The following PCBP3 variants were observed in gnomAD, a reference collection of about 807,000 sequenced individuals.
PCBP3 encodes the protein poly(rC)-binding protein 3.
A neutral mutation model predicts 52.7 loss-of-function variants in PCBP3; 25 were observed. The ratio of observed to expected loss-of-function variants is 0.47; its 90% CI spans 0.35 to 0.66. The LOEUF (loss-of-function observed/expected upper bound fraction) is 0.66, where lower values mean the gene tolerates loss of function less well. PCBP3 is among the 30% of genes least tolerant of loss of function. The pLI, the probability that PCBP3 is intolerant of heterozygous loss-of-function variation, is 0.01. For missense variants in PCBP3, 391 were observed against 490.3 expected, an observed-to-expected ratio of 0.80 and a Z score of 1.91; for synonymous variants, 162 against 183.0, an observed-to-expected ratio of 0.89 and a Z score of 0.93.
At chr21:45,647,365 C>A (rs553871767) in intron 1 of PCBP3, among the ~76,000 whole-genome samples, 91 of 152,296 alleles carry the variant, frequency 6.0e-4, no homozygotes, top group African/African-American at 2.1e-3. Context: ...AGACAGAGTT[C>A]TTATTGAAGG....
intron 4 of PCBP3, among the ~76,000 whole-genome samples, chr21:45,839,733 C>G (rs1276383841): frequency 6.6e-6 from 1 of 152,156 alleles, no homozygotes; most frequent in African/African-American, 2.4e-5. Flanking sequence ...GTTGCCCAGG[C>G]TGGAGGGCAG....
Position 45,853,946 on chromosome 21 carries a change from A to C in PCBP3, c.10+3851A>C, listed in dbSNP as rs1252881078. 1 of 152,192 alleles carries C rather than the reference A, an allele frequency of 6.6e-6. No homozygotes were observed. The highest frequency in any genetic ancestry group is 1.5e-5 in the Non-Finnish European group (1 of 68,046). The allele number at this position is 152,192 out of a possible 1,614,324, so 9.4% of individuals were successfully genotyped here. ...GGAAGCGGTGGTGCCGACGTGTCAT[A>C]AACTGATATCCGCATCTCAGCCTCT... is the stretch of plus-strand genomic sequence containing the variant. On this transcript the variant is annotated intron_variant, in intron 5 of 17. Transcript: ENST00000681687. The surrounding 1 kb of genome is among the most constrained non-coding windows in gnomAD (Gnocchi z 4.6).
chr21:45,764,740 T>TA (rs1466834661), intron 4 of PCBP3, among the ~76,000 whole-genome samples: 1 of 152,196 alleles, frequency 6.6e-6, no homozygotes. Context: ...TCACAGAATG[T>TA]AAAAAATAGC....
intron 2 of PCBP3, among the ~76,000 whole-genome samples, chr21:45,712,769 C>A (rs1042976832): frequency 6.6e-6 from 1 of 151,612 alleles, no homozygotes; most frequent in Non-Finnish European, 1.5e-5. Context: ...GTGGTGCAAT[C>A]ATGGCTCACT....
chr21:45,820,254 G>A (rs929526548), intron 4 of PCBP3, among the ~76,000 whole-genome samples: 2 of 152,350 alleles, frequency 1.3e-5, no homozygotes, highest in East Asian at 3.9e-4. Context: ...CACCCAGTCC[G>A]GCTGCCATGG....
intron 4 of PCBP3, among the ~76,000 whole-genome samples, chr21:45,799,979 G>A (rs1431920978): frequency 6.6e-6 from 1 of 152,208 alleles, no homozygotes; most frequent in African/African-American, 2.4e-5. Context: ...GTTGCTGGTG[G>A]CTTGGACAGC....
chr21:45,867,915 A>G (rs1052614428), intron 5 of PCBP3, among the ~76,000 whole-genome samples: 2 of 152,268 alleles, frequency 1.3e-5, no homozygotes, highest in Non-Finnish European at 2.9e-5. Flanking sequence ...GCGCCGTCGC[A>G]CACACAGCGG....
intron 5 of PCBP3, among the ~76,000 whole-genome samples, chr21:45,858,176 G>A (rs796771141): frequency 2.6e-5 from 4 of 152,346 alleles, no homozygotes; most frequent in African/African-American, 7.2e-5. Context: ...TTGAGGACTC[G>A]CCAGGGAGAG....
chr21:45,896,251 C>G lies in PCBP3; in HGVS notation c.54C>G (p.Leu18=), dbSNP rs1029324744. The change falls in exon 6 of 18, where the codon CTC becomes CTG. Residue 18 remains leucine, a synonymous_variant. Coordinates refer to ENST00000681687, the MANE Select transcript of PCBP3 (RefSeq NM_001384156.1). ...WAPSVLPHST[L]STLSHHPQPQ... The stretch of plus-strand genomic sequence containing the variant: ...CATCTGTCCTTCCTCACAGCACCCT[C>G]AGCACCTTAAGCCACCACCCTCAGC... 3.2e-6 allele frequency: 5 copies of G among 1,552,094 alleles called. No individual in the cohort carries two copies. Among genetic ancestry groups the G allele is most frequent in the Non-Finnish European group, 4.4e-6 (5 of 1,147,116 alleles).
rs766994832 is a variant in PCBP3, at chr21:45,901,119, C to T, written c.339+6C>T. Reference sequence around the variant, plus strand: ...TCGCATACAAGTTTGAGGAGGTAACCTGCACCCCAGGCACCTCTGCCAGCC... The same window carrying T: ...TCGCATACAAGTTTGAGGAGGTAACTTGCACCCCAGGCACCTCTGCCAGCC... On this transcript the variant is annotated splice_donor_region_variant and intron_variant, in intron 9 of 17. Coordinates refer to ENST00000681687, the MANE Select transcript of PCBP3 (RefSeq NM_001384156.1). The T allele has an allele frequency of 6.3e-7, 1 of 1,590,250 alleles. No homozygotes were observed. The highest frequency in any genetic ancestry group is 1.3e-5 in the African/African-American group (1 of 74,436).
intron 4 of PCBP3, among the ~76,000 whole-genome samples, chr21:45,783,236 A>C (rs1048961597): frequency 6.6e-6 from 1 of 152,062 alleles, no homozygotes; most frequent in African/African-American, 2.4e-5. Context: ...GCATCTTTCC[A>C]TGTGCGATTG....
rs1051861285 is a variant in PCBP3, at chr21:45,724,750, C to A, written c.-199-10642C>A. 6.6e-6 allele frequency among the ~76,000 whole-genome samples: 1 copy of A among 151,876 alleles called. No homozygotes were observed. Among genetic ancestry groups the A allele is most frequent in the Non-Finnish European group, 1.5e-5 (1 of 67,964 alleles). ...AGTGGCACTCTGTAACCCGCCCCCCCTCAGCTGGAGTGGCACTCTGTTGGC... is the reference window on the plus strand; with the variant it reads ...AGTGGCACTCTGTAACCCGCCCCCCATCAGCTGGAGTGGCACTCTGTTGGC... On this transcript the variant is annotated intron_variant, in intron 2 of 17. Coordinates refer to ENST00000681687, the MANE Select transcript of PCBP3 (RefSeq NM_001384156.1). The surrounding 1 kb of genome is among the most constrained non-coding windows in gnomAD (Gnocchi z 5.3).
intron 3 of PCBP3, among the ~76,000 whole-genome samples, chr21:45,740,641 G>A (rs1332539071): frequency 7.7e-6 from 1 of 130,676 alleles, no homozygotes; most frequent in Non-Finnish European, 1.6e-5. Flanking sequence ...TGTGTGTGAA[G>A]TGTGTGTGCA....
At chr21:45,757,164 G>A (rs1054522790) in intron 4 of PCBP3, among the ~76,000 whole-genome samples, 4 of 152,278 alleles carry the variant, frequency 2.6e-5, no homozygotes, top group East Asian at 1.9e-4. Flanking sequence ...TGAGCGTTCC[G>A]GTTTCCACAC....
At chr21:45,787,495 G>C (rs1360652961) in intron 4 of PCBP3, among the ~76,000 whole-genome samples, 3 of 152,042 alleles carry the variant, frequency 2.0e-5, no homozygotes, top group African/African-American at 7.2e-5. Flanking sequence ...TAGCTCAAGT[G>C]ATCCTTCCGC....
chr21:45,722,486 A>T (rs981188832), intron 2 of PCBP3, among the ~76,000 whole-genome samples: 3 of 152,232 alleles, frequency 2.0e-5, no homozygotes, highest in Non-Finnish European at 4.4e-5. Flanking sequence ...TGTGAATATT[A>T]ACCTGATCTT....
intron 5 of PCBP3, among the ~76,000 whole-genome samples, chr21:45,855,058 A>C (rs2094218196): frequency 6.6e-6 from 1 of 152,156 alleles, no homozygotes; most frequent in African/African-American, 2.4e-5. Context: ...TTATGGCGAC[A>C]ATAGTGGTGC....
chr21:45,716,010 A>G (rs2084193971), intron 2 of PCBP3, among the ~76,000 whole-genome samples: 1 of 152,070 alleles, frequency 6.6e-6, no homozygotes, highest in Non-Finnish European at 1.5e-5. Flanking sequence ...TTCATTGCTT[A>G]TACTTTTGGT....
intron 4 of PCBP3, among the ~76,000 whole-genome samples, chr21:45,838,116 A>G (rs1421568478): frequency 1.3e-5 from 2 of 152,196 alleles, no homozygotes; most frequent in African/African-American, 4.8e-5. Context: ...TGGAAGCCCC[A>G]GTGTTGTCCT....
Sources: allele counts gnomAD v4.1 joint callset (sites outside exome capture counted in the v4.1 genomes callset), GRCh38; gene constraint gnomAD v4.1.1; non-coding constraint Gnocchi (gnomAD v3.1); transcripts MANE v1.5; gene names NCBI Gene and HGNC (gene_info 2026-07-23, HGNC 2026-07-21).